JOSD1: variants seen among roughly 807,000 people sequenced by gnomAD.
The protein encoded by JOSD1 is Josephin domain containing 1, also known as josephin-1.
JOSD1 carries 11 observed loss-of-function variants against 24.3 expected under a neutral mutation model. That is an observed-to-expected ratio of 0.45 (90% CI 0.29 to 0.75). The LOEUF is 0.75. Ranked by LOEUF, JOSD1 falls within the 30% of genes least tolerant of loss-of-function variation. The pLI is 0.11. For missense variants in JOSD1, 184 were observed against 253.5 expected, an observed-to-expected ratio of 0.73 and a Z score of 1.86; for synonymous variants, 106 against 93.8, an observed-to-expected ratio of 1.13 and a Z score of -0.75.
At chr22:38,689,252 A>C (rs2092511608) in intron 3 of JOSD1, 44 bp downstream of exon 3, 11 of 1,612,946 alleles carry the variant, frequency 6.8e-6, no homozygotes, top group Non-Finnish European at 9.3e-6. Context: ...AGCTTATACC[A>C]CAACCGTGCT....
chr22:38,695,959 G>A (rs2092544284), intron 2 of JOSD1, among the ~76,000 whole-genome samples: 1 of 152,118 alleles, frequency 6.6e-6, no homozygotes, highest in Non-Finnish European at 1.5e-5. Context: ...AGGAGGCTGA[G>A]GCAGGAGGAT....
chr22:38,688,146 T>C (rs1569262568), intron 4 of JOSD1, 145 bp from the exon 5 acceptor site: 2 of 638,656 alleles, frequency 3.1e-6, no homozygotes, highest in South Asian at 3.7e-5. Context: ...GGTTCCACAT[T>C]TGGTTACCCT....
chr22:38,698,265 T>C (rs1208885499), intron 2 of JOSD1, among the ~76,000 whole-genome samples: 1 of 152,218 alleles, frequency 6.6e-6, no homozygotes, highest in African/African-American at 2.4e-5. Flanking sequence ...TCAATTCTAC[T>C]TGCTGCCAGA....
chr22:38,699,755 A>G, intron 2 of JOSD1, 48 bp downstream of exon 2: 1 of 1,580,458 alleles, frequency 6.3e-7, no homozygotes, highest in Non-Finnish European at 8.7e-7. Context: ...CCACCCACAG[A>G]AATCCAGAAA....
At chr22:38,688,071 C>A in intron 4 of JOSD1, 70 bp from the exon 5 acceptor site, 1 of 1,018,686 alleles carries the variant, frequency 9.8e-7, no homozygotes, top group South Asian at 1.3e-5. Flanking sequence ...ACCACAAAGT[C>A]ACCTGAAACC....
Position 38,700,150 on chromosome 22 carries a change from G to GA in JOSD1, c.-164dup. On this transcript the variant is annotated 5_prime_UTR_variant, in exon 2 of 5. Coordinates refer to ENST00000683374, the MANE Select transcript of JOSD1 (RefSeq NM_001360236.2). ...TGGGAGAAAAGATTGGAATCAAAAG[G>GA]AAAAAAATAAAACCCACCTCTTCTC... is the stretch of plus-strand genomic sequence containing the variant. The GA allele has an allele frequency of 7.5e-7, 1 of 1,328,684 alleles. No individual in the cohort carries two copies. Among genetic ancestry groups the GA allele is most frequent in the Non-Finnish European group, 9.6e-7 (1 of 1,038,392 alleles). 82.3% of individuals were successfully genotyped at this position (1,328,684 alleles called of 1,614,324 possible). A position where few individuals can be genotyped will look rare whatever the true frequency, so the allele number is the denominator to read the frequency against.
Position 38,685,734 on chromosome 22 carries a change from T to C in JOSD1, c.*2168A>G, listed in dbSNP as rs1323145344. The C allele has an allele frequency of 6.6e-6, 1 of 152,572 alleles. No homozygotes were observed. The highest frequency in any genetic ancestry group is 1.9e-4 in the East Asian group (1 of 5,204). The allele number at this position is 152,572 out of a possible 1,614,324, so 9.5% of individuals were successfully genotyped here. A position where few individuals can be genotyped will look rare whatever the true frequency, so the allele number is the denominator to read the frequency against. On this transcript the variant is annotated 3_prime_UTR_variant, in exon 5 of 5. Coordinates refer to ENST00000683374, the MANE Select transcript of JOSD1 (RefSeq NM_001360236.2). The stretch of plus-strand genomic sequence containing the variant: ...AGCAAGAAAAACAAAAAGCCTAGGG[T>C]TGCCCGTTATTGGGCATCAGGGTCA...
intron 2 of JOSD1, among the ~76,000 whole-genome samples, chr22:38,694,127 T>C (rs752832853): frequency 6.6e-6 from 1 of 152,234 alleles, no homozygotes; most frequent in Non-Finnish European, 1.5e-5. Context: ...GAATGGTCAT[T>C]TGAATAAGTG....
At position 38,688,927 on chromosome 22, in the gene JOSD1, C is replaced by T. The variant is rs1261873276; in HGVS notation, c.509+8G>A. On this transcript the variant is annotated splice_region_variant and intron_variant, in intron 4 of 4. Coordinates refer to ENST00000683374, the MANE Select transcript of JOSD1 (RefSeq NM_001360236.2). ...CCTAGCAACTTAGTCACAAAAGGTG[C>T]CGATTACCTGAGCTCGCTCTCGCCT... is the stretch of plus-strand genomic sequence containing the variant. 2 of 1,608,310 alleles carry T rather than the reference C, an allele frequency of 1.2e-6. No individual in the cohort carries two copies. Among genetic ancestry groups the T allele is most frequent in the Admixed American group, 1.7e-5 (1 of 59,622 alleles).
chr22:38,701,134 G>A, upstream of JOSD1: 2 of 312,850 alleles, frequency 6.4e-6, no homozygotes, highest in Non-Finnish European at 4.7e-6. Context: ...TCAACGGTTG[G>A]GGTGTTGCAA....
chr22:38,688,552 C>G (rs868172107), intron 4 of JOSD1, among the ~76,000 whole-genome samples: 1 of 152,192 alleles, frequency 6.6e-6, no homozygotes, highest in South Asian at 2.1e-4. Context: ...CGTGAGCAAT[C>G]GCCTCTAAAG....
At chr22:38,701,071 C>A (rs2092568494), upstream of JOSD1, 13 of 805,964 alleles carry the variant, frequency 1.6e-5, no homozygotes, top group African/African-American at 1.9e-5. Flanking sequence ...GTAAGTCTGA[C>A]GTCATCGGCA....
At chr22:38,699,548 A>G (rs1488046885) in intron 2 of JOSD1, among the ~76,000 whole-genome samples, 1 of 152,230 alleles carries the variant, frequency 6.6e-6, no homozygotes, top group Non-Finnish European at 1.5e-5. Flanking sequence ...ATAACATCAC[A>G]TATTAACACG....
chr22:38,693,631 T>A (rs901338707), intron 2 of JOSD1, among the ~76,000 whole-genome samples: 1 of 152,170 alleles, frequency 6.6e-6, no homozygotes, highest in Admixed American at 6.5e-5. Context: ...CTAGGCTGGA[T>A]TACAGTGGTA....
At chr22:38,691,784 TA>T (rs1434309148) in intron 2 of JOSD1, among the ~76,000 whole-genome samples, 1 of 152,150 alleles carries the variant, frequency 6.6e-6, no homozygotes. Flanking sequence ...CACCCAACCA[TA>T]AGTTTCTCCC....
intron 2 of JOSD1, among the ~76,000 whole-genome samples, chr22:38,699,133 C>A (rs2092557055): frequency 6.6e-6 from 1 of 152,344 alleles, no homozygotes; most frequent in Non-Finnish European, 1.5e-5. Flanking sequence ...AAGAAGAGAT[C>A]TGGAGTCAAC....
chr22:38,701,059 A>G (rs1346244067), upstream of JOSD1: 6 of 879,636 alleles, frequency 6.8e-6, no homozygotes, highest in South Asian at 5.2e-5. Context: ...GTCACGCCTG[A>G]CGTAAGTCTG....
chr22:38,689,511 A>C lies in JOSD1; in HGVS notation c.186-87T>G, dbSNP rs376493333. ...CTACCAGGGATGGAGAGCACTTTAC[A>C]TCACTGCCCCTGGAAGTTAGTTTCC... On this transcript the variant is annotated intron_variant, in intron 2 of 4. Transcript: ENST00000683374. The C allele has an allele frequency of 3.9e-4, 597 of 1,527,418 alleles. 8 individuals carry two copies. The South Asian group carries it at 6.1e-3, about 16-fold the overall frequency. The allele number at this position is 1,527,418 out of a possible 1,614,324, so 94.6% of individuals were successfully genotyped here. A position where few individuals can be genotyped will look rare whatever the true frequency, so the allele number is the denominator to read the frequency against.
chr22:38,700,117 T>C lies in JOSD1; in HGVS notation c.-130A>G, dbSNP rs1434021687. The C allele has an allele frequency of 2.2e-6, 3 of 1,386,832 alleles. No homozygotes were observed. Among genetic ancestry groups the C allele is most frequent in the Non-Finnish European group, 2.8e-6 (3 of 1,067,326 alleles). 85.9% of individuals were successfully genotyped at this position (1,386,832 alleles called of 1,614,324 possible). ...ATTCTCTGGTGTCCATGATTTATGCTTTGTCACTGGGAGAAAAGATTGGAA... is the reference window on the plus strand; with the variant it reads ...ATTCTCTGGTGTCCATGATTTATGCCTTGTCACTGGGAGAAAAGATTGGAA... On this transcript the variant is annotated 5_prime_UTR_variant, in exon 2 of 5. Transcript: ENST00000683374.
Sources: allele counts gnomAD v4.1 joint callset (sites outside exome capture counted in the v4.1 genomes callset), GRCh38; gene constraint gnomAD v4.1.1; transcripts MANE v1.5; gene names NCBI Gene and HGNC (gene_info 2026-07-23, HGNC 2026-07-21).